The following FTO variants were observed in gnomAD, a reference collection of about 807,000 sequenced individuals.
FTO encodes the protein alpha-ketoglutarate-dependent dioxygenase FTO.
Under a neutral mutation model 63.9 loss-of-function variants are expected in FTO, and 47 were observed. The observed-to-expected ratio is 0.74, with a 90% confidence interval of 0.58 to 0.94. The LOEUF is 0.94. Ranked by LOEUF, FTO falls within the 40% of genes least tolerant of loss-of-function variation. The pLI is 0.00. For synonymous variants in FTO, 207 were observed against 224.4 expected (o/e 0.92, Z 0.69); for missense variants, 562 against 618.1 (o/e 0.91, Z 0.96).
chr16:53,986,480 G>A (rs1183128153), intron 8 of FTO, among the ~76,000 whole-genome samples: 1 of 152,094 alleles, frequency 6.6e-6, no homozygotes, highest in African/African-American at 2.4e-5. Context: ...GCATTTGTGT[G>A]GTACACAGGA....
At chr16:53,907,040 G>C (rs1419754686) in intron 7 of FTO, among the ~76,000 whole-genome samples, 1 of 152,190 alleles carries the variant, frequency 6.6e-6, no homozygotes, top group South Asian at 2.1e-4. Flanking sequence ...CAGCAGCCAG[G>C]GTAATATTAT....
At chr16:54,012,790 T>G (rs1221496981) in intron 8 of FTO, among the ~76,000 whole-genome samples, 1 of 152,062 alleles carries the variant, frequency 6.6e-6, no homozygotes, top group Non-Finnish European at 1.5e-5. Context: ...ATAGTATGGT[T>G]TACTGAATAT....
At chr16:53,740,650 G>T (rs2076509639) in intron 1 of FTO, among the ~76,000 whole-genome samples, 1 of 151,954 alleles carries the variant, frequency 6.6e-6, no homozygotes, top group Admixed American at 6.6e-5. Context: ...TCCAGTTTAG[G>T]GGCACTGAAA....
chr16:53,862,403 T>C (rs2151856601), intron 4 of FTO, among the ~76,000 whole-genome samples: 1 of 152,342 alleles, frequency 6.6e-6, no homozygotes, highest in South Asian at 2.1e-4. Context: ...TGTAGTATTT[T>C]ATATTTAATT....
chr16:53,905,026 C>T (rs1292874147), intron 7 of FTO, among the ~76,000 whole-genome samples: 3 of 151,968 alleles, frequency 2.0e-5, no homozygotes, highest in African/African-American at 4.8e-5. Context: ...AAGACAAGGA[C>T]GAAAAGAGAT....
intron 7 of FTO, among the ~76,000 whole-genome samples, chr16:53,923,549 T>C (rs1308161044): frequency 6.6e-6 from 1 of 152,164 alleles, no homozygotes; most frequent in Non-Finnish European, 1.5e-5. Context: ...CCTGTGCCAG[T>C]AGGGGCAGTG....
chr16:53,943,601 T>A (rs1309887022), intron 8 of FTO, among the ~76,000 whole-genome samples: 6 of 152,252 alleles, frequency 3.9e-5, no homozygotes, highest in African/African-American at 1.2e-4. Flanking sequence ...TCTAGTGGAA[T>A]GACAGATATG....
chr16:53,936,268 C>A (rs12446738), intron 8 of FTO, among the ~76,000 whole-genome samples: 6,632 of 152,222 alleles, frequency 0.044, 251 homozygotes, highest in Admixed American at 0.097. Context: ...GTGCAGACCC[C>A]CTTAAAACTA....
intron 8 of FTO, among the ~76,000 whole-genome samples, chr16:54,083,428 C>T (rs763850794): frequency 6.6e-6 from 1 of 152,184 alleles, no homozygotes; most frequent in Non-Finnish European, 1.5e-5. Context: ...GTTTTCTGGT[C>T]TCCTTTGATG....
chr16:53,810,090 A>T, intron 1 of FTO, 50 bp from the exon 2 acceptor site: 1 of 1,218,158 alleles, frequency 8.2e-7, no homozygotes, highest in Non-Finnish European at 1.2e-6. Context: ...AGAGTGTCTT[A>T]CTTTGGGTTA....
intron 7 of FTO, among the ~76,000 whole-genome samples, chr16:53,912,551 C>T (rs1424875593): frequency 2.0e-5 from 3 of 151,904 alleles, no homozygotes; most frequent in South Asian, 4.2e-4. Flanking sequence ...TCTTGTTTTG[C>T]CTTTTGTTTT....
intron 4 of FTO, among the ~76,000 whole-genome samples, chr16:53,863,318 CATA>C (rs1233542540): frequency 6.6e-6 from 1 of 152,226 alleles, no homozygotes; most frequent in Non-Finnish European, 1.5e-5. Context: ...TCTTTATCCT[CATA>C]GAAAGTAGAC....
At chr16:53,768,409 G>A (rs898643485) in intron 1 of FTO, among the ~76,000 whole-genome samples, 9 of 152,106 alleles carry the variant, frequency 5.9e-5, no homozygotes, top group Non-Finnish European at 1.2e-4. Flanking sequence ...CATTTGATTC[G>A]GAAACATGAC....
chr16:53,716,389 T>C (rs2075895938), intron 1 of FTO, among the ~76,000 whole-genome samples: 1 of 152,140 alleles, frequency 6.6e-6, no homozygotes. Context: ...AGAGTATAGT[T>C]TATGAGGAGA....
intron 8 of FTO, among the ~76,000 whole-genome samples, chr16:54,007,831 C>T (rs2084245845): frequency 6.6e-6 from 1 of 152,218 alleles, no homozygotes; most frequent in Non-Finnish European, 1.5e-5. Flanking sequence ...AAGGTGGTTG[C>T]TTTATTTTAA....
intron 8 of FTO, among the ~76,000 whole-genome samples, chr16:53,970,590 C>CAAA (rs750908676): frequency 1.5e-5 from 1 of 65,306 alleles, no homozygotes; most frequent in Non-Finnish European, 3.2e-5. Flanking sequence ...GACTCCATCT[C>CAAA]AAAAAAAAAA....
intron 8 of FTO, among the ~76,000 whole-genome samples, chr16:53,999,102 C>T (rs1243143285): frequency 6.6e-6 from 1 of 152,156 alleles, no homozygotes; most frequent in African/African-American, 2.4e-5. Context: ...TAGATCCCTC[C>T]ATGTGGAGCA....
chr16:53,919,342 C>G (rs2081955391), intron 7 of FTO, among the ~76,000 whole-genome samples: 1 of 151,984 alleles, frequency 6.6e-6, no homozygotes, highest in South Asian at 2.1e-4. Flanking sequence ...TATCAGCTTA[C>G]CTGATATCAG....
intron 8 of FTO, among the ~76,000 whole-genome samples, chr16:54,008,104 T>C (rs1360520420): frequency 1.3e-5 from 2 of 152,156 alleles, no homozygotes; most frequent in African/African-American, 2.4e-5. Context: ...TTGTTGACAA[T>C]TAAGAAACAC....
Sources: gnomAD v4.1 joint callset for allele counts (sites outside exome capture counted in the v4.1 genomes callset) on GRCh38, gnomAD v4.1.1 for gene constraint, MANE v1.5 for transcripts, NCBI Gene and HGNC (gene_info 2026-07-23, HGNC 2026-07-21) for gene names.